TAF3: variants seen among roughly 807,000 people sequenced by gnomAD.
TAF3 encodes transcription initiation factor TFIID subunit 3.
A neutral mutation model predicts 80.6 loss-of-function variants in TAF3; 7 were observed. The ratio of observed to expected loss-of-function variants is 0.09; its 90% CI spans 0.05 to 0.16. The LOEUF is 0.16. Among genes scored for constraint, TAF3 ranks in the 10% least tolerant of loss-of-function variants. TAF3 has a pLI of 1.00. For synonymous variants in TAF3, 444 were observed against 446.1 expected, an observed-to-expected ratio of 1.00 and a Z score of 0.06; for missense variants, 921 against 1,140.2, an observed-to-expected ratio of 0.81 and a Z score of 2.77.
In TAF3 at chr10:7,833,883, C is replaced by T. The variant is rs1032614418; in HGVS notation, c.409+9323C>T. ...CCTGGGGAAGAGGATGAGTTTGGAG[C>T]GGTACCCCTTCAGCCGCTGCACAGT... On this transcript the variant is annotated intron_variant, in intron 2 of 6. Transcript: ENST00000344293. The T allele has an allele frequency of 4.4e-5, 36 of 823,024 alleles. 2 individuals carry two copies. The South Asian group carries it at 1.1e-3, about 25-fold the overall frequency. 51.0% of individuals were successfully genotyped at this position (823,024 alleles called of 1,614,324 possible).
chr10:7,952,486 C>T (rs1838091395), intron 2 of TAF3, among the ~76,000 whole-genome samples: 1 of 152,144 alleles, frequency 6.6e-6, no homozygotes, highest in East Asian at 1.9e-4. Flanking sequence ...CACGTTAGCC[C>T]AGGATGTAGC....
At position 7,824,452 on chromosome 10, in the gene TAF3, G is replaced by A. The variant is rs746431450; in HGVS notation, c.301G>A (p.Val101Ile). The A allele has an allele frequency of 3.7e-6, 6 of 1,614,052 alleles. No individual in the cohort carries two copies. The South Asian group carries it at 6.6e-5, about 18-fold the overall frequency. Residue 101 changes from valine to isoleucine, a missense_variant, in exon 2 of 7, where the codon GTT (valine) becomes ATT (isoleucine). Transcript: ENST00000344293. ...TFPHQIPSFP[V>I]SKNNVLQFPQ... ...CCCACACCAAATTCCGTCATTTCCT[G>A]TTAGCAAGAACAATGTACTTCAGTT...
At chr10:8,007,969 A>T (rs73618926) in intron 4 of TAF3, among the ~76,000 whole-genome samples, 1,618 of 151,768 alleles carry the variant, frequency 0.011, 26 homozygotes, top group African/African-American at 0.038. Context: ...TGTGAAGAGG[A>T]TGCTGTTAGT....
At chr10:7,869,344 G>A (rs952953730) in intron 2 of TAF3, among the ~76,000 whole-genome samples, 4 of 152,008 alleles carry the variant, frequency 2.6e-5, no homozygotes, top group Non-Finnish European at 4.4e-5. Flanking sequence ...AAATACATAC[G>A]TACATAGATG....
intron 2 of TAF3, among the ~76,000 whole-genome samples, chr10:7,847,853 C>T (rs1836987174): frequency 6.6e-6 from 1 of 152,192 alleles, no homozygotes; most frequent in Non-Finnish European, 1.5e-5. Flanking sequence ...CCGCAACCTC[C>T]ACCTACTGGG....
intron 2 of TAF3, among the ~76,000 whole-genome samples, chr10:7,877,106 A>G (rs558382230): frequency 6.6e-6 from 1 of 151,288 alleles, no homozygotes; most frequent in Non-Finnish European, 1.5e-5. Flanking sequence ...TTGGATTTTT[A>G]AAATACTTTT....
chr10:7,927,105 C>T (rs1489199905), intron 2 of TAF3, among the ~76,000 whole-genome samples: 1 of 152,102 alleles, frequency 6.6e-6, no homozygotes, highest in Non-Finnish European at 1.5e-5. Context: ...TGGTCATGCC[C>T]AAGTATTGTT....
chr10:7,996,718 C>T (rs1831890797), intron 4 of TAF3, among the ~76,000 whole-genome samples: 1 of 151,646 alleles, frequency 6.6e-6, no homozygotes. Flanking sequence ...GACAGGGTCT[C>T]AGCCAGACTG....
At chr10:7,937,398 ATTG>A (rs1292916069) in intron 2 of TAF3, among the ~76,000 whole-genome samples, 18 of 152,100 alleles carry the variant, frequency 1.2e-4, no homozygotes, top group Admixed American at 1.1e-3. Flanking sequence ...GTAGTGGGAT[ATTG>A]TTGTTTTAAT....
At chr10:7,864,297 CT>C (rs1564351133) in intron 2 of TAF3, among the ~76,000 whole-genome samples, 1 of 152,130 alleles carries the variant, frequency 6.6e-6, no homozygotes, top group Non-Finnish European at 1.5e-5. Context: ...CATAGTTTTA[CT>C]TTTTTCAGAA....
At chr10:7,976,625 G>A (rs1315661871) in intron 3 of TAF3, among the ~76,000 whole-genome samples, 4 of 151,984 alleles carry the variant, frequency 2.6e-5, no homozygotes, top group Admixed American at 6.6e-5. Context: ...AACTGATCTC[G>A]AATTCCTGAC....
chr10:7,925,988 G>A (rs1837812518), intron 2 of TAF3, among the ~76,000 whole-genome samples: 2 of 152,174 alleles, frequency 1.3e-5, no homozygotes, highest in African/African-American at 4.8e-5. Context: ...CCAAGGCCAA[G>A]GTGGGAGGAT....
At chr10:7,973,577 A>G (rs1465638628) in intron 3 of TAF3, among the ~76,000 whole-genome samples, 4 of 152,242 alleles carry the variant, frequency 2.6e-5, no homozygotes, top group African/African-American at 4.8e-5. Context: ...TCCATATATG[A>G]TCAGTTTACC....
intron 2 of TAF3, among the ~76,000 whole-genome samples, chr10:7,946,605 C>T (rs1838026747): frequency 6.6e-6 from 1 of 152,122 alleles, no homozygotes; most frequent in Non-Finnish European, 1.5e-5. Context: ...TGTCCTTGGT[C>T]CCAGCTACTT....
chr10:7,823,792 G>A (rs929818139), intron 1 of TAF3, among the ~76,000 whole-genome samples: 3 of 151,942 alleles, frequency 2.0e-5, no homozygotes, highest in Non-Finnish European at 2.9e-5. Flanking sequence ...GCGCCACCAC[G>A]CCCGGCTAAT....
At chr10:7,958,936 C>T (rs1838162888) in intron 2 of TAF3, among the ~76,000 whole-genome samples, 1 of 152,082 alleles carries the variant, frequency 6.6e-6, no homozygotes, top group Admixed American at 6.5e-5. Flanking sequence ...ACATCGAGAC[C>T]ATCCTGGCTA....
At chr10:7,880,593 T>C (rs542983556) in intron 2 of TAF3, among the ~76,000 whole-genome samples, 1 of 152,302 alleles carries the variant, frequency 6.6e-6, no homozygotes, top group East Asian at 1.9e-4. Context: ...CTGCTGACGT[T>C]GTTTCCTTTA....
At position 7,965,357 on chromosome 10, in the gene TAF3, A is replaced by G; in HGVS notation, c.1847A>G (p.His616Arg). The G allele has an allele frequency of 6.2e-7, 1 of 1,604,812 alleles. No homozygotes were observed. Residue 616 changes from histidine (H) to arginine (R), a missense_variant, in exon 3 of 7, where the codon CAT becomes CGT. Around this residue, in one of 6 missense-constraint regions of TAF3, gnomAD observed 743 missense variants for 821.0 expected, o/e 0.90. Coordinates refer to ENST00000344293, the MANE Select transcript of TAF3 (RefSeq NM_031923.4). ...DGLVRKEKEK[H>R]KDKKKDREKG... ...CTTGTGAGGAAGGAGAAAGAGAAGC[A>G]TAAAGATAAGAAGAAAGATAGAGAG...
At chr10:7,917,166 C>T (rs1837719124) in intron 2 of TAF3, among the ~76,000 whole-genome samples, 1 of 152,020 alleles carries the variant, frequency 6.6e-6, no homozygotes, top group African/African-American at 2.4e-5. Flanking sequence ...GGGAGACAGA[C>T]AATATAAAAG....
Sources: allele counts gnomAD v4.1 joint callset (sites outside exome capture counted in the v4.1 genomes callset), GRCh38; gene constraint gnomAD v4.1.1; regional missense constraint gnomAD v4.1.1; transcripts MANE v1.5; gene names NCBI Gene and HGNC (gene_info 2026-07-23, HGNC 2026-07-21).